PUM1: variants seen among roughly 807,000 people sequenced by gnomAD.
PUM1 encodes pumilio RNA binding family member 1, also known as pumilio homolog 1.
In PUM1, 13 loss-of-function variants were observed where a neutral mutation model predicts 131.8. The observed-to-expected ratio is 0.10, with a 90% confidence interval of 0.06 to 0.16. The LOEUF is 0.16. Among genes scored for constraint, PUM1 ranks in the 10% least tolerant of loss-of-function variants. The probability of loss-of-function intolerance (pLI) is 1.00; values close to 1 mark genes in which losing one functional copy is unlikely to be tolerated. For synonymous variants in PUM1, 509 were observed against 556.5 expected (o/e 0.91, Z 1.20); for missense variants, 961 against 1,512.4 (o/e 0.64, Z 6.05).
chr1:31,059,840 T>C (rs1644327595), intron 1 of PUM1, among the ~76,000 whole-genome samples: 1 of 151,728 alleles, frequency 6.6e-6, no homozygotes, highest in South Asian at 2.1e-4. Flanking sequence ...AGTTTTTAAA[T>C]GAACAAAAGC....
chr1:30,981,444 T>G (rs1402099349), intron 7 of PUM1, 39 bp from the exon 8 acceptor site: 1 of 1,340,400 alleles, frequency 7.5e-7, no homozygotes, highest in Non-Finnish European at 1.0e-6. Context: ...TTAGGGAAAC[T>G]GTCTTACAAA....
chr1:31,025,848 G>T (rs1381329616), intron 3 of PUM1, among the ~76,000 whole-genome samples: 7 of 151,214 alleles, frequency 4.6e-5, no homozygotes, highest in African/African-American at 1.7e-4. Flanking sequence ...GAGCCACCAC[G>T]CCCGGCCAGT....
In PUM1 at chr1:30,931,799, G is replaced by A. The variant is rs564953793; in HGVS notation, c.*1412C>T. The A allele has an allele frequency of 6.6e-6, 1 of 152,626 alleles. No homozygotes were observed. Among genetic ancestry groups the A allele is most frequent in the Admixed American group, 6.5e-5 (1 of 15,290 alleles). 9.5% of individuals were successfully genotyped at this position (152,626 alleles called of 1,614,324 possible). A position where few individuals can be genotyped will look rare whatever the true frequency, so the allele number is the denominator to read the frequency against. On this transcript the variant is annotated 3_prime_UTR_variant, in exon 22 of 22. Transcript: ENST00000426105. ...AATACAGTTCATCTTCTGTACAAAA[G>A]GGAAGGGCGATTCACACTTTACAAG...
chr1:30,945,274 C>A, intron 18 of PUM1, 72 bp downstream of exon 18: 1 of 1,548,502 alleles, frequency 6.5e-7, no homozygotes, highest in Non-Finnish European at 8.9e-7. Context: ...GAACATGCCA[C>A]AAATCCTACT....
rs1036895751 is a variant in PUM1 at position 30,964,607 on chromosome 1, T to C, written c.2323+67A>G. On this transcript the variant is annotated intron_variant, in intron 14 of 21. Transcript: ENST00000426105. ...GGACTGTCCTTTGCTTATGCAAAGT[T>C]CTTGTAATGTCATCGGTGGCAAGAG... The C allele has an allele frequency of 3.6e-6, 5 of 1,393,948 alleles. No homozygotes were observed. The African/African-American group carries it at 7.2e-5, about 20-fold the overall frequency. The allele number at this position is 1,393,948 out of a possible 1,614,324, so 86.3% of individuals were successfully genotyped here. A position where few individuals can be genotyped will look rare whatever the true frequency, so the allele number is the denominator to read the frequency against.
rs866040440 is a variant in PUM1 at position 31,038,097 on chromosome 1, T to G, written c.364-9233A>C. Among the ~76,000 whole-genome samples the G allele has an allele frequency of 1.7e-4, 25 of 149,948 alleles. No homozygotes were observed. In the East Asian group the frequency reaches 4.7e-3, roughly 28 times the overall value. ...CCATCTCAAAAAAAAAAAAAAACCC[T>G]GGCATCATTTAATACTTCAACTGCT... On this transcript the variant is annotated intron_variant, in intron 2 of 21. Transcript: ENST00000426105.
intron 3 of PUM1, among the ~76,000 whole-genome samples, chr1:31,014,811 A>T (rs1014777976): frequency 6.6e-6 from 1 of 152,004 alleles, no homozygotes; most frequent in Admixed American, 6.6e-5. Flanking sequence ...AAAAGTTGAA[A>T]GCAAACTGCA....
chr1:30,957,732 A>G (rs1570129890), intron 14 of PUM1, among the ~76,000 whole-genome samples: 1 of 152,234 alleles, frequency 6.6e-6, no homozygotes, highest in Admixed American at 6.5e-5. Context: ...TTGTACTCAT[A>G]GATCTAATAG....
At chr1:31,022,687 G>A (rs1643072524) in intron 3 of PUM1, among the ~76,000 whole-genome samples, 1 of 152,170 alleles carries the variant, frequency 6.6e-6, no homozygotes, top group Non-Finnish European at 1.5e-5. Context: ...TGATAAAAAG[G>A]TCACTTTACC....
chr1:30,963,580 C>T (rs1436496072), intron 14 of PUM1, among the ~76,000 whole-genome samples: 1 of 152,212 alleles, frequency 6.6e-6, no homozygotes, highest in African/African-American at 2.4e-5. Flanking sequence ...TTACCCTACC[C>T]ACTTCAGACT....
chr1:31,013,361 C>G lies in PUM1; in HGVS notation c.433-6259G>C, dbSNP rs142473223. Among the ~76,000 whole-genome samples the G allele has an allele frequency of 6.2e-4, 95 of 152,270 alleles. 1 individual carries two copies. Among genetic ancestry groups the G allele is most frequent in the Non-Finnish European group, 4.4e-5 (3 of 68,004 alleles). On this transcript the variant is annotated intron_variant, in intron 3 of 21. Transcript: ENST00000426105. Reference sequence around the variant, plus strand: ...GGCTCTCCAGCAACTACTCTGTACTCAAAAGGAATAAAATATTAGGTAACT... The same window carrying G: ...GGCTCTCCAGCAACTACTCTGTACTGAAAAGGAATAAAATATTAGGTAACT...
intron 9 of PUM1, among the ~76,000 whole-genome samples, chr1:30,979,334 CA>C (rs1641265193): frequency 6.6e-6 from 1 of 152,084 alleles, no homozygotes; most frequent in Non-Finnish European, 1.5e-5. Flanking sequence ...TGTACTGCTA[CA>C]ATGTATGGTG....
chr1:30,992,908 T>G (rs2124486737), intron 6 of PUM1, among the ~76,000 whole-genome samples: 1 of 152,264 alleles, frequency 6.6e-6, no homozygotes, highest in African/African-American at 2.4e-5. Flanking sequence ...TTTACATCCC[T>G]TCACCAAGGG....
intron 14 of PUM1, among the ~76,000 whole-genome samples, chr1:30,959,890 G>A (rs1234292252): frequency 6.9e-6 from 1 of 144,874 alleles, no homozygotes; most frequent in Non-Finnish European, 1.5e-5. Context: ...CTGGGAGACA[G>A]ACCAAGACTC....
intron 11 of PUM1, among the ~76,000 whole-genome samples, chr1:30,967,662 C>T (rs1305568663): frequency 5.3e-5 from 8 of 152,118 alleles, no homozygotes; most frequent in African/African-American, 1.9e-4. Flanking sequence ...CACACAAAGG[C>T]TCAGTAACTA....
intron 5 of PUM1, among the ~76,000 whole-genome samples, chr1:30,995,828 G>A (rs918169390): frequency 2.0e-5 from 3 of 152,046 alleles, no homozygotes; most frequent in Non-Finnish European, 4.4e-5. Flanking sequence ...AGCCTCACAG[G>A]TATGCATCAA....
intron 17 of PUM1, among the ~76,000 whole-genome samples, chr1:30,948,403 G>C (rs192703154): frequency 6.6e-6 from 1 of 152,044 alleles, no homozygotes; most frequent in Admixed American, 6.6e-5. Context: ...GCATAAGTCA[G>C]GCCCAGAACA....
chr1:30,933,077 TGGA>T lies in PUM1; in HGVS notation c.*131_*133del. The T allele has an allele frequency of 9.0e-7, 1 of 1,116,364 alleles. No individual in the cohort carries two copies. The highest frequency in any genetic ancestry group is 2.6e-5 in the East Asian group (1 of 38,072). The allele number at this position is 1,116,364 out of a possible 1,614,324, so 69.2% of individuals were successfully genotyped here. ...CCACTCGTGGATTTGATTCCTTTTT[TGGA>T]GGAGGGAGTAATCCTGGAGCAACCA... On this transcript the variant is annotated 3_prime_UTR_variant, in exon 22 of 22. Transcript: ENST00000426105.
At chr1:30,963,764 T>A (rs1159889161) in intron 14 of PUM1, among the ~76,000 whole-genome samples, 1 of 152,134 alleles carries the variant, frequency 6.6e-6, no homozygotes, top group African/African-American at 2.4e-5. Context: ...AGGACAGTCC[T>A]GATTTAGGCC....
Sources: allele counts gnomAD v4.1 joint callset (sites outside exome capture counted in the v4.1 genomes callset), GRCh38; gene constraint gnomAD v4.1.1; transcripts MANE v1.5; gene names NCBI Gene and HGNC (gene_info 2026-07-23, HGNC 2026-07-21).